PROSER2: variants seen among roughly 807,000 people sequenced by gnomAD.
The protein encoded by PROSER2 is proline and serine-rich protein 2.
Under a neutral mutation model 14.6 loss-of-function variants are expected in PROSER2, and 18 were observed. The ratio of observed to expected loss-of-function variants is 1.23; its 90% CI spans 0.85 to 1.83. The LOEUF is 1.83. PROSER2 is among the 40% of genes most tolerant of loss of function. PROSER2 has a pLI of 0.00. For missense variants in PROSER2, 823 were observed against 629.8 expected (o/e 1.31, Z -3.28); for synonymous variants, 367 against 286.4 (o/e 1.28, Z -2.84).
intron 1 of PROSER2, among the ~76,000 whole-genome samples, chr10:11,843,537 T>C (rs1281388821): frequency 6.6e-6 from 1 of 151,824 alleles, no homozygotes; most frequent in African/African-American, 2.4e-5. Context: ...GATACAAAAA[T>C]TATAGGCGCG....
At chr10:11,846,046 G>C (rs2131063898) in intron 1 of PROSER2, among the ~76,000 whole-genome samples, 1 of 152,272 alleles carries the variant, frequency 6.6e-6, no homozygotes, top group African/African-American at 2.4e-5. Flanking sequence ...GAGTGCAGTG[G>C]TGCGATCTCG....
At chr10:11,848,604 G>A (rs1056199234) in intron 1 of PROSER2, among the ~76,000 whole-genome samples, 8 of 152,266 alleles carry the variant, frequency 5.3e-5, no homozygotes, top group Admixed American at 2.6e-4. Flanking sequence ...CTGTAAGTGG[G>A]TCCTGTCCCT....
intron 1 of PROSER2, among the ~76,000 whole-genome samples, chr10:11,848,205 G>T (rs1833954486): frequency 6.6e-6 from 1 of 152,164 alleles, no homozygotes; most frequent in South Asian, 2.1e-4. Context: ...GTCTCACTCT[G>T]CCGCCCAGGC....
At chr10:11,841,767 G>T (rs1414685464) in intron 1 of PROSER2, among the ~76,000 whole-genome samples, 2 of 152,144 alleles carry the variant, frequency 1.3e-5, no homozygotes, top group East Asian at 1.9e-4. Context: ...CTTAAAATTT[G>T]CTGAGACTTG....
Position 11,871,318 on chromosome 10 carries a change from A to C in PROSER2, c.*912A>C, listed in dbSNP as rs994703254. The C allele has an allele frequency of 5.3e-5, 8 of 152,332 alleles. No individual in the cohort carries two copies. The highest frequency in any genetic ancestry group is 5.2e-4 in the Admixed American group (8 of 15,310). The allele number at this position is 152,332 out of a possible 1,614,324, so 9.4% of individuals were successfully genotyped here. A position where few individuals can be genotyped will look rare whatever the true frequency, so the allele number is the denominator to read the frequency against. ...TACTTCCTAGTATGGAAGTGTCTTA[A>C]GGACACGTCTCCATGATATTTTGGT... On this transcript the variant is annotated 3_prime_UTR_variant, in exon 4 of 4. Coordinates refer to ENST00000277570, the MANE Select transcript of PROSER2 (RefSeq NM_153256.4).
Position 11,869,544 on chromosome 10 carries a change from C to T in PROSER2, c.446C>T (p.Pro149Leu), listed in dbSNP as rs751535891. ...HRKQDAETPP[P>L]PDPPAPETLL... ...AAACAAGATGCTGAGACTCCTCCAC[C>T]TCCAGACCCCCCGGCTCCCGAGACC... The change falls in exon 4 of 4, where the codon CCT (proline) becomes CTT (leucine). Residue 149 changes from proline to leucine, a missense_variant. Pro to Leu is a moderately conservative substitution (Grantham distance 98). Transcript: ENST00000277570. This position sits in a 1 kb window ranked among gnomAD's most constrained non-coding sequence, Gnocchi z 4.4. The T allele has an allele frequency of 3.1e-6, 5 of 1,613,652 alleles. No homozygotes were observed. The highest frequency in any genetic ancestry group is 4.2e-6 in the Non-Finnish European group (5 of 1,179,628).
chr10:11,836,638 GT>G lies in PROSER2; in HGVS notation c.-82+13169del, dbSNP rs1168815197. Among the ~76,000 whole-genome samples, 4 of 152,158 alleles carry G rather than the reference GT, an allele frequency of 2.6e-5. No individual in the cohort carries two copies. The highest frequency in any genetic ancestry group is 5.9e-5 in the Non-Finnish European group (4 of 68,032). On this transcript the variant is annotated intron_variant, in intron 1 of 3. Coordinates refer to ENST00000277570, the MANE Select transcript of PROSER2 (RefSeq NM_153256.4). This position sits in a 1 kb window ranked among gnomAD's most constrained non-coding sequence, Gnocchi z 4.6. Reference sequence around the variant, plus strand: ...ACTTTGACCCTGCTGTAGTGTGTAAGTATGCTCACTGACCTCTGCCCTACTG... The same window carrying G: ...ACTTTGACCCTGCTGTAGTGTGTAAGATGCTCACTGACCTCTGCCCTACTG...
intron 1 of PROSER2, among the ~76,000 whole-genome samples, chr10:11,828,505 C>T (rs1833645699): frequency 6.6e-6 from 1 of 151,962 alleles, no homozygotes; most frequent in African/African-American, 2.4e-5. Flanking sequence ...AGTTTGAGAC[C>T]ACCCTGGCCA....
At position 11,823,995 on chromosome 10, in the gene PROSER2, A is replaced by G. The variant is rs763550277; in HGVS notation, c.-82+525A>G. On this transcript the variant is annotated intron_variant, in intron 1 of 3. Coordinates refer to ENST00000277570, the MANE Select transcript of PROSER2 (RefSeq NM_153256.4). This position sits in a 1 kb window ranked among gnomAD's most constrained non-coding sequence, Gnocchi z 6.2. ...CCAGCCCAGCGCGGCGGGAGGGACT[A>G]AAATAGAGGAGAAAATGTGGCCCGT... Among the ~76,000 whole-genome samples, 16 of 152,252 alleles carry G rather than the reference A, an allele frequency of 1.1e-4. No homozygotes were observed. The highest frequency in any genetic ancestry group is 2.4e-4 in the Non-Finnish European group (16 of 68,030).
In PROSER2 at chr10:11,872,177, C is replaced by T. The variant is rs1834502023; in HGVS notation, c.*1771C>T. 6.6e-6 allele frequency: 1 copy of T among 152,220 alleles called. No homozygotes were observed. The highest frequency in any genetic ancestry group is 1.5e-5 in the Non-Finnish European group (1 of 68,038). The allele number at this position is 152,220 out of a possible 1,614,324, so 9.4% of individuals were successfully genotyped here. A position where few individuals can be genotyped will look rare whatever the true frequency, so the allele number is the denominator to read the frequency against. ...ATGAGGACTGCATCTTTTTCACTGACCCTATGATTTCACTGTGAGTAGGGT... is the reference window on the plus strand; with the variant it reads ...ATGAGGACTGCATCTTTTTCACTGATCCTATGATTTCACTGTGAGTAGGGT... On this transcript the variant is annotated 3_prime_UTR_variant, in exon 4 of 4. Transcript: ENST00000277570.
intron 2 of PROSER2, among the ~76,000 whole-genome samples, chr10:11,854,449 G>T (rs950506703): frequency 6.6e-6 from 1 of 152,058 alleles, no homozygotes; most frequent in Non-Finnish European, 1.5e-5. Flanking sequence ...CTGGGATAAC[G>T]GTTGCAGCAG....
In PROSER2 at chr10:11,853,244, C is replaced by G. The variant is rs1246960342; in HGVS notation, c.138+1029C>G. Among the ~76,000 whole-genome samples the G allele has an allele frequency of 3.3e-5, 5 of 152,136 alleles. No individual in the cohort carries two copies. The East Asian group carries it at 7.7e-4, about 23-fold the overall frequency. The stretch of plus-strand genomic sequence containing the variant: ...TAGTAATGACAGAATTTTCTAGACC[C>G]CCACTTGCATATTTTCTTTTTTAAA... On this transcript the variant is annotated intron_variant, in intron 2 of 3. Coordinates refer to ENST00000277570, the MANE Select transcript of PROSER2 (RefSeq NM_153256.4).
chr10:11,852,993 C>G (rs1028165673), intron 2 of PROSER2, among the ~76,000 whole-genome samples: 5 of 152,124 alleles, frequency 3.3e-5, no homozygotes, highest in Non-Finnish European at 7.4e-5. Flanking sequence ...CTCGTGCCTT[C>G]CCCGGTGAGG....
intron 1 of PROSER2, among the ~76,000 whole-genome samples, chr10:11,841,225 C>T (rs1221520445): frequency 6.6e-6 from 1 of 151,640 alleles, no homozygotes; most frequent in Non-Finnish European, 1.5e-5. Flanking sequence ...CCATTTCATC[C>T]ATGCTTTCAA....
chr10:11,869,969 G>A lies in PROSER2; in HGVS notation c.871G>A (p.Gly291Ser), dbSNP rs1180786432. The A allele has an allele frequency of 2.9e-6, 4 of 1,360,568 alleles. No homozygotes were observed. Among genetic ancestry groups the A allele is most frequent in the Admixed American group, 3.7e-5 (1 of 26,838 alleles). The allele number at this position is 1,360,568 out of a possible 1,614,324, so 84.3% of individuals were successfully genotyped here. The change falls in exon 4 of 4, where the codon GGC becomes AGC. Residue 291 changes from glycine to serine, a missense_variant. By Grantham distance (56) the Gly-to-Ser change is moderately conservative. Transcript: ENST00000277570. The surrounding 1 kb of genome is among the most constrained non-coding windows in gnomAD (Gnocchi z 4.4). ...GGCGCAGGTGTTGGCCACCATCCACGGCCACGCCGGCGCCTTCCCCGCCGC... is the reference window on the plus strand; with the variant it reads ...GGCGCAGGTGTTGGCCACCATCCACAGCCACGCCGGCGCCTTCCCCGCCGC... ...RRAQVLATIH[G>S]HAGAFPAAGD...
Position 11,869,831 on chromosome 10 carries a change from C to T in PROSER2, c.733C>T (p.Pro245Ser), listed in dbSNP as rs771367449. Residue 245 changes from proline to serine, a missense_variant, in exon 4 of 4, where the codon CCG (proline) becomes TCG (serine). Pro to Ser is a moderately conservative substitution (Grantham distance 74). Transcript: ENST00000277570. This position sits in a 1 kb window ranked among gnomAD's most constrained non-coding sequence, Gnocchi z 4.4. ...SGDPGPGPSH[P>S]AQPKAPRFPS... The stretch of plus-strand genomic sequence containing the variant: ...AGACCCTGGCCCGGGGCCCAGCCAC[C>T]CGGCGCAGCCCAAGGCACCCCGCTT... 23 of 1,574,290 alleles carry T rather than the reference C, an allele frequency of 1.5e-5. No individual in the cohort carries two copies. Among genetic ancestry groups the T allele is most frequent in the Non-Finnish European group, 1.9e-5 (22 of 1,163,498 alleles).
At chr10:11,848,116 G>A (rs1833952023) in intron 1 of PROSER2, among the ~76,000 whole-genome samples, 1 of 152,156 alleles carries the variant, frequency 6.6e-6, no homozygotes, top group Non-Finnish European at 1.5e-5. Flanking sequence ...CCCTGTCAAA[G>A]TGGGAGTGTG....
At position 11,847,045 on chromosome 10, in the gene PROSER2, CCCAGCCTGT is replaced by C. The variant is rs199756469; in HGVS notation, c.-81-4947_-81-4939del. ...GGGGTTACAGGCGTGAGCCACCACT[CCCAGCCTGT>C]CCAGGGTTTTACCTTCTCTTTTCCC... On this transcript the variant is annotated intron_variant, in intron 1 of 3. Coordinates refer to ENST00000277570, the MANE Select transcript of PROSER2 (RefSeq NM_153256.4). Among the ~76,000 whole-genome samples the C allele has an allele frequency of 9.7e-3, 1,477 of 152,008 alleles. 22 individuals carry two copies. The highest frequency in any genetic ancestry group is 0.034 in the African/African-American group (1,408 of 41,410).
chr10:11,870,381 T>A lies in PROSER2; in HGVS notation c.1283T>A (p.Leu428Gln), dbSNP rs914518606. 51 of 1,506,918 alleles carry A rather than the reference T, an allele frequency of 3.4e-5. No individual in the cohort carries two copies. The highest frequency in any genetic ancestry group is 4.2e-5 in the Non-Finnish European group (48 of 1,129,484). The allele number at this position is 1,506,918 out of a possible 1,614,324, so 93.3% of individuals were successfully genotyped here. ...GCGCGCAGGGAGGCCCTGCGGAAGCTGGGGCTGCTCAGGGAGAGTTCGTGA... is the reference window on the plus strand; with the variant it reads ...GCGCGCAGGGAGGCCCTGCGGAAGCAGGGGCTGCTCAGGGAGAGTTCGTGA... Reference protein sequence around the residue: ...EEARREALRKLGLLRESS With the variant: ...EEARREALRKQGLLRESS Residue 428 changes from leucine (L) to glutamine (Q), a missense_variant, in exon 4 of 4, where the codon CTG (leucine) becomes CAG (glutamine). Leu to Gln is a moderately radical substitution (Grantham distance 113, BLOSUM62 -2). Transcript: ENST00000277570.
Sources: gnomAD v4.1 joint callset for allele counts (sites outside exome capture counted in the v4.1 genomes callset) on GRCh38, gnomAD v4.1.1 for gene constraint, Gnocchi (gnomAD v3.1) non-coding constraint, MANE v1.5 for transcripts, NCBI Gene and HGNC (gene_info 2026-07-23, HGNC 2026-07-21) for gene names.